Variants in LINGO2 observed in about 807,000 individuals in gnomAD.
LINGO2 encodes leucine rich repeat and Ig domain containing 2, also known as leucine-rich repeat and immunoglobulin-like domain-containing nogo receptor-interacting protein 2.
In LINGO2, 14 loss-of-function variants were observed where a neutral mutation model predicts 30.6. The observed-to-expected ratio is 0.46, with a 90% CI of 0.30 to 0.72. The LOEUF (loss-of-function observed/expected upper bound fraction) is 0.72, where lower values mean the gene tolerates loss of function less well. Among genes scored for constraint, LINGO2 ranks in the 30% least tolerant of loss-of-function variants. LINGO2 has a pLI of 0.07. For synonymous variants in LINGO2, 317 were observed against 288.5 expected, an observed-to-expected ratio of 1.10 and a Z score of -1.00; for missense variants, 729 against 751.7, an observed-to-expected ratio of 0.97 and a Z score of 0.35.
chr9:28,909,882 G>T, the LINGO2 span, among the ~76,000 whole-genome samples: 2 of 152,144 alleles, frequency 1.3e-5, no homozygotes, highest in African/African-American at 4.8e-5. Flanking sequence ...CTGAGAGCTT[G>T]CTGAGTGACA....
chr9:29,041,594 A>T, the LINGO2 span, among the ~76,000 whole-genome samples: 1 of 151,990 alleles, frequency 6.6e-6, no homozygotes, highest in African/African-American at 2.4e-5. Context: ...GAGCAAATGG[A>T]CAACCATAAT....
At chr9:28,983,331 A>AG in the LINGO2 span, among the ~76,000 whole-genome samples, 8 of 151,864 alleles carry the variant, frequency 5.3e-5, no homozygotes, top group African/African-American at 1.9e-4. Context: ...AAAAAAAAAA[A>AG]AAAGAACTGA....
At chr9:28,444,674 C>T (rs990378896) in intron 2 of LINGO2, among the ~76,000 whole-genome samples, 4 of 152,184 alleles carry the variant, frequency 2.6e-5, no homozygotes, top group African/African-American at 9.7e-5. Context: ...CACTGGTGCC[C>T]ACAGTGGAAG....
intron 1 of LINGO2, among the ~76,000 whole-genome samples, chr9:28,652,269 T>C (rs1170432716): frequency 6.6e-6 from 1 of 152,174 alleles, no homozygotes; most frequent in African/African-American, 2.4e-5. Context: ...GTTAAGTCAA[T>C]GTCTTTTCAT....
chr9:29,013,120 T>G, the LINGO2 span, among the ~76,000 whole-genome samples: 9 of 152,204 alleles, frequency 5.9e-5, no homozygotes, highest in African/African-American at 2.2e-4. Context: ...TCGTATTGAC[T>G]GTAATCGTTC....
At chr9:28,135,978 A>G (rs570798171) in intron 4 of LINGO2, among the ~76,000 whole-genome samples, 1 of 152,134 alleles carries the variant, frequency 6.6e-6, no homozygotes, top group African/African-American at 2.4e-5. Context: ...TCCAGCATCT[A>G]TCTAGCACAG....
chr9:28,088,237 CAT>C (rs1306747067), intron 4 of LINGO2, among the ~76,000 whole-genome samples: 3 of 127,924 alleles, frequency 2.3e-5, no homozygotes, highest in African/African-American at 8.7e-5. Context: ...CACACACACA[CAT>C]ATAATGGTTT....
chr9:28,359,964 G>C (rs527775489), intron 3 of LINGO2, among the ~76,000 whole-genome samples: 2 of 152,076 alleles, frequency 1.3e-5, no homozygotes, highest in Non-Finnish European at 2.9e-5. Context: ...TCTGCTTCTA[G>C]CCCTGGCTAC....
the LINGO2 span, among the ~76,000 whole-genome samples, chr9:29,143,157 G>A: frequency 5.3e-5 from 8 of 152,028 alleles, no homozygotes; most frequent in African/African-American, 1.9e-4. Context: ...ATACAAATAA[G>A]TGGAAGTCTT....
At chr9:27,949,364 T>G (rs539237459) in exon 6 of LINGO2, 2 of 1,614,132 alleles carry the variant, frequency 1.2e-6, no homozygotes, top group South Asian at 2.2e-5. Context: ...GCTGCGGGTC[T>G]CCATCTGCAC....
intron 4 of LINGO2, among the ~76,000 whole-genome samples, chr9:28,158,063 C>T (rs1828184855): frequency 6.6e-6 from 1 of 152,150 alleles, no homozygotes; most frequent in South Asian, 2.1e-4. Context: ...GTGCCTTACT[C>T]TAATGTTACC....
the LINGO2 span, among the ~76,000 whole-genome samples, chr9:28,760,923 TGTGTG>T: frequency 7.5e-6 from 1 of 133,534 alleles, no homozygotes; most frequent in Admixed American, 8.0e-5. Flanking sequence ...TACGTGTGTG[TGTGTG>T]TGTGTATATA....
At chr9:28,159,523 A>G (rs1828227679) in intron 4 of LINGO2, among the ~76,000 whole-genome samples, 1 of 152,168 alleles carries the variant, frequency 6.6e-6, no homozygotes, top group Non-Finnish European at 1.5e-5. Context: ...ATGTACTTAC[A>G]TTGTAGAATG....
chr9:28,637,466 T>C (rs1381830578), intron 1 of LINGO2, among the ~76,000 whole-genome samples: 1 of 152,190 alleles, frequency 6.6e-6, no homozygotes, highest in Non-Finnish European at 1.5e-5. Flanking sequence ...TGGAATGTTC[T>C]TCCATTTCTT....
chr9:28,420,535 T>G (rs907637820), intron 2 of LINGO2, among the ~76,000 whole-genome samples: 2 of 152,096 alleles, frequency 1.3e-5, no homozygotes, highest in Admixed American at 6.6e-5. Context: ...ATCTACCATA[T>G]GCATACCATT....
chr9:28,370,994 G>C (rs1397590999), intron 3 of LINGO2, among the ~76,000 whole-genome samples: 1 of 152,202 alleles, frequency 6.6e-6, no homozygotes, highest in Non-Finnish European at 1.5e-5. Context: ...CAAGCCATCA[G>C]AAGTATCTAC....
the LINGO2 span, among the ~76,000 whole-genome samples, chr9:28,745,032 G>A: frequency 1.3e-5 from 2 of 151,890 alleles, 1 homozygote; most frequent in African/African-American, 4.8e-5. Flanking sequence ...ATGTCATTTA[G>A]GTTTTCAAAC....
chr9:28,790,477 C>CAA, the LINGO2 span, among the ~76,000 whole-genome samples: 2 of 150,802 alleles, frequency 1.3e-5, no homozygotes, highest in Non-Finnish European at 3.0e-5. Flanking sequence ...TACAGGCGCC[C>CAA]GCCACCACGC....
the LINGO2 span, among the ~76,000 whole-genome samples, chr9:28,689,869 C>T: frequency 4.6e-5 from 7 of 152,224 alleles, no homozygotes; most frequent in South Asian, 1.0e-3. Flanking sequence ...TACATATATA[C>T]CATGAAATAC....
Sources: allele counts gnomAD v4.1 joint callset (sites outside exome capture counted in the v4.1 genomes callset), GRCh38; gene constraint gnomAD v4.1.1; transcripts MANE v1.5; gene names NCBI Gene and HGNC (gene_info 2026-07-23, HGNC 2026-07-21).